The following HTR2C variants were observed in gnomAD, a reference collection of about 807,000 sequenced individuals.
HTR2C encodes 5-hydroxytryptamine receptor 2C.
Under a neutral mutation model 21.0 loss-of-function variants are expected in HTR2C, and 5 were observed. That is an observed-to-expected ratio of 0.24 (90% CI 0.12 to 0.50). The LOEUF is 0.50. HTR2C is among the 20% of genes least tolerant of loss of function. The pLI, the probability that HTR2C is intolerant of heterozygous loss-of-function variation, is 0.98. For missense variants in HTR2C, 271 were observed against 371.2 expected (o/e 0.73, Z 2.22); for synonymous variants, 150 against 145.3 (o/e 1.03, Z -0.23).
intron 2 of HTR2C, among the ~76,000 whole-genome samples, chrX:114,676,241 A>G (rs1425726114): frequency 8.9e-6 from 1 of 111,802 alleles, no homozygotes; most frequent in Non-Finnish European, 1.9e-5. Flanking sequence ...TCTGCCTGCA[A>G]TCATAAGTTT....
At chrX:114,626,237 A>T (rs1602645578) in intron 2 of HTR2C, among the ~76,000 whole-genome samples, 1 of 108,415 alleles carries the variant, frequency 9.2e-6, no homozygotes, top group African/African-American at 3.4e-5. Context: ...AAATAATAAA[A>T]AATTAGCCAG....
chrX:114,784,795 A>G (rs1275980220), intron 4 of HTR2C, among the ~76,000 whole-genome samples: 1 of 109,283 alleles, frequency 9.2e-6, no homozygotes, highest in Non-Finnish European at 1.9e-5. Flanking sequence ...AATTTTTTGT[A>G]TTTTTAGTAG....
At chrX:114,656,481 T>C (rs1556409266) in intron 2 of HTR2C, among the ~76,000 whole-genome samples, 4 of 111,153 alleles carry the variant, frequency 3.6e-5, no homozygotes, top group Non-Finnish European at 7.6e-5. Context: ...AGGAGTCAGG[T>C]TCTGCTTTTG....
intron 4 of HTR2C, among the ~76,000 whole-genome samples, chrX:114,772,182 G>A (rs1346442135): frequency 2.7e-5 from 3 of 112,153 alleles, no homozygotes; most frequent in Non-Finnish European, 5.6e-5. Flanking sequence ...TATAGCTTTT[G>A]TGAGAGAAAG....
At chrX:114,784,112 T>A (rs1264071245) in intron 4 of HTR2C, among the ~76,000 whole-genome samples, 3 of 90,061 alleles carry the variant, frequency 3.3e-5, no homozygotes, top group Non-Finnish European at 6.6e-5. Flanking sequence ...CAAAACTGTA[T>A]CAAATCAAAC....
At chrX:114,811,145 C>T (rs145190619) in intron 4 of HTR2C, among the ~76,000 whole-genome samples, 1,291 of 111,362 alleles carry the variant, frequency 0.012, 15 homozygotes, top group African/African-American at 0.04. Context: ...TTGTCTTTCC[C>T]GCATCAGGCA....
intron 1 of HTR2C, among the ~76,000 whole-genome samples, chrX:114,591,417 G>T (rs782100777): frequency 9.0e-6 from 1 of 111,551 alleles, no homozygotes; most frequent in South Asian, 3.7e-4. Flanking sequence ...CTATGTAAAT[G>T]GAAAAGAACT....
chrX:114,705,204 ATACTT>A (rs1420444735), intron 2 of HTR2C, among the ~76,000 whole-genome samples: 5 of 110,396 alleles, frequency 4.5e-5, no homozygotes, highest in African/African-American at 1.6e-4. Flanking sequence ...TTGGAAAAAA[ATACTT>A]TAAAGTTCAT....
chrX:114,801,356 A>G (rs1469383631), intron 4 of HTR2C, among the ~76,000 whole-genome samples: 5 of 111,520 alleles, frequency 4.5e-5, no homozygotes, highest in African/African-American at 1.6e-4. Context: ...ATTAGTTGCT[A>G]TAGATAGATG....
intron 2 of HTR2C, among the ~76,000 whole-genome samples, chrX:114,726,211 C>A (rs1350766127): frequency 8.9e-6 from 1 of 112,529 alleles, no homozygotes; most frequent in Non-Finnish European, 1.9e-5. Context: ...AGGATATAAT[C>A]TCCTGGTGCG....
intron 1 of HTR2C, among the ~76,000 whole-genome samples, chrX:114,612,834 C>T (rs1276878461): frequency 1.8e-5 from 2 of 111,651 alleles, no homozygotes; most frequent in Non-Finnish European, 3.8e-5. Flanking sequence ...CAGGGCAAGT[C>T]TGTAAAGTGA....
chrX:114,807,417 C>CCATATATATACGCCATATA lies in HTR2C; in HGVS notation c.350-40586_350-40585insCATATATATACGCCATATA, dbSNP rs2070483624. ...TCTATACCATATATATACGCCATAT[C>CCATATATATACGCCATATA]TATACCATATATATACGCCATATAT... On this transcript the variant is annotated intron_variant, in intron 4 of 5. Transcript: ENST00000276198. 2.4e-5 allele frequency among the ~76,000 whole-genome samples: 2 copies of CCATATATATACGCCATATA among 83,536 alleles called. 1 individual carries two copies. Among genetic ancestry groups the CCATATATATACGCCATATA allele is most frequent in the Admixed American group, 2.7e-4 (2 of 7,283 alleles). 72.5% of individuals were successfully genotyped at this position (83,536 alleles called of 115,157 possible).
chrX:114,723,452 C>T (rs1448473156), intron 2 of HTR2C, among the ~76,000 whole-genome samples: 4 of 110,639 alleles, frequency 3.6e-5, no homozygotes, highest in Non-Finnish European at 5.7e-5. Context: ...TTTGTTGATC[C>T]TTTCAAAAAA....
intron 4 of HTR2C, among the ~76,000 whole-genome samples, chrX:114,827,567 TTTTCCTTTAGTGTAA>T (rs1422273981): frequency 4.5e-5 from 5 of 111,337 alleles, no homozygotes; most frequent in Non-Finnish European, 9.4e-5. Context: ...TTTAGTGTAA[TTTTCCTTTAGTGTAA>T]TTTCCTTTAG....
chrX:114,901,386 A>C (rs782565827), intron 5 of HTR2C, among the ~76,000 whole-genome samples: 2 of 112,219 alleles, frequency 1.8e-5, no homozygotes, highest in Admixed American at 1.9e-4. Flanking sequence ...ACAAAGTATC[A>C]GAGTCAGTAA....
At chrX:114,644,167 A>G (rs1159796909) in intron 2 of HTR2C, among the ~76,000 whole-genome samples, 1 of 104,634 alleles carries the variant, frequency 9.6e-6, no homozygotes, top group Non-Finnish European at 1.9e-5. Flanking sequence ...ACATGGTGAA[A>G]CCCCATTTCT....
intron 2 of HTR2C, among the ~76,000 whole-genome samples, chrX:114,643,045 C>T (rs906303270): frequency 9.0e-6 from 1 of 111,012 alleles, no homozygotes; most frequent in Non-Finnish European, 1.9e-5. Context: ...AAATAGGAGA[C>T]ATGATTTTTA....
Position 114,701,824 on chromosome X carries a change from C to A in HTR2C, c.-79-25034C>A, listed in dbSNP as rs1314187105. On this transcript the variant is annotated intron_variant, in intron 2 of 5. Transcript: ENST00000276198. ...TTAAAAACTTTGAAAAAAATTTAGACGAATGTATAACTAGAATAACCAATA... is the reference window on the plus strand; with the variant it reads ...TTAAAAACTTTGAAAAAAATTTAGAAGAATGTATAACTAGAATAACCAATA... 4.8e-4 allele frequency among the ~76,000 whole-genome samples: 53 copies of A among 111,350 alleles called. No homozygotes were observed. The South Asian group carries it at 0.016, about 33-fold the overall frequency.
intron 4 of HTR2C, among the ~76,000 whole-genome samples, chrX:114,813,851 A>G (rs1385230769): frequency 8.9e-6 from 1 of 111,777 alleles, no homozygotes; most frequent in African/African-American, 3.3e-5. Context: ...GCTATGTTGT[A>G]CATTACAGAG....
Sources: gnomAD v4.1 joint callset for allele counts (sites outside exome capture counted in the v4.1 genomes callset) on GRCh38, gnomAD v4.1.1 for gene constraint, MANE v1.5 for transcripts, NCBI Gene and HGNC (gene_info 2026-07-23, HGNC 2026-07-21) for gene names.